KDM4C: variants seen among roughly 807,000 people sequenced by gnomAD.
KDM4C encodes the protein lysine demethylase 4C.
A neutral mutation model predicts 129.3 loss-of-function variants in KDM4C; 81 were observed. The observed-to-expected ratio is 0.63, with a 90% CI of 0.52 to 0.75. The LOEUF (loss-of-function observed/expected upper bound fraction) is 0.75. KDM4C is among the 30% of genes least tolerant of loss of function. KDM4C has a pLI of 0.00. For synonymous variants in KDM4C, 573 were observed against 456.1 expected (o/e 1.26, Z -3.26); for missense variants, 1,457 against 1,304.0 (o/e 1.12, Z -1.81).
At position 7,057,684 on chromosome 9, in the gene KDM4C, C is replaced by G. The variant is rs78391497; in HGVS notation, c.2424+8484C>G. On this transcript the variant is annotated intron_variant, in intron 17 of 21. Coordinates refer to ENST00000381309, the MANE Select transcript of KDM4C (RefSeq NM_015061.6). ...AGAACATAACTGTATTTTAAACAGCCTCTGGGCAATTTGTAAGCAACAGGA... is the reference window on the plus strand; with the variant it reads ...AGAACATAACTGTATTTTAAACAGCGTCTGGGCAATTTGTAAGCAACAGGA... 4.5e-3 allele frequency among the ~76,000 whole-genome samples: 690 copies of G among 152,290 alleles called. 5 individuals are homozygous for G. Among genetic ancestry groups the G allele is most frequent in the African/African-American group, 0.016 (663 of 41,556 alleles).
At chr9:6,842,359 T>TAGGCTGGA (rs989069986) in intron 4 of KDM4C, among the ~76,000 whole-genome samples, 4 of 136,542 alleles carry the variant, frequency 2.9e-5, no homozygotes, top group Non-Finnish European at 6.2e-5. Context: ...CTCTGTCACC[T>TAGGCTGGA]AGGCTGGAAT....
chr9:7,119,821 C>T (rs1839302258), intron 18 of KDM4C, among the ~76,000 whole-genome samples: 3 of 152,258 alleles, frequency 2.0e-5, no homozygotes, highest in African/African-American at 7.2e-5. Flanking sequence ...CAGCCTCCCT[C>T]CTGGTTCAGA....
chr9:6,948,164 G>A (rs1827316390), intron 8 of KDM4C: 1 of 152,086 alleles, frequency 6.6e-6, no homozygotes, highest in Non-Finnish European at 1.5e-5. Flanking sequence ...ATCAGTCTTT[G>A]AAATTTATAA....
intron 15 of KDM4C, among the ~76,000 whole-genome samples, chr9:7,019,267 T>G (rs1316552069): frequency 6.6e-6 from 1 of 152,206 alleles, no homozygotes; most frequent in East Asian, 1.9e-4. Context: ...AAAGTATCCT[T>G]AAAACTGACT....
intron 4 of KDM4C, among the ~76,000 whole-genome samples, chr9:6,833,203 T>C (rs1281357515): frequency 6.6e-6 from 1 of 152,202 alleles, no homozygotes; most frequent in East Asian, 1.9e-4. Context: ...AAGAGCCATC[T>C]GTAGATATGT....
chr9:7,049,942 A>C (rs1318996957), intron 17 of KDM4C, among the ~76,000 whole-genome samples: 2 of 152,146 alleles, frequency 1.3e-5, no homozygotes, highest in African/African-American at 4.8e-5. Flanking sequence ...AGGTGGACTT[A>C]AAACTCTAGA....
intron 17 of KDM4C, chr9:7,076,865 T>C (rs2132888490): frequency 1.0e-6 from 1 of 998,892 alleles, no homozygotes; most frequent in Non-Finnish European, 1.2e-6. Flanking sequence ...GTGCATCAGG[T>C]TAATGATTTG....
At chr9:7,005,196 G>A (rs1563968625) in intron 12 of KDM4C, among the ~76,000 whole-genome samples, 1 of 152,148 alleles carries the variant, frequency 6.6e-6, no homozygotes, top group African/African-American at 2.4e-5. Context: ...AGCACTTTGG[G>A]AGGCTGAGGT....
rs909930857 is a variant in KDM4C at position 6,785,415 on chromosome 9, C to G, written c.-17-7557C>G. Among the ~76,000 whole-genome samples the G allele has an allele frequency of 3.3e-5, 5 of 151,988 alleles. No homozygotes were observed. The East Asian group carries it at 9.7e-4, about 29-fold the overall frequency. On this transcript the variant is annotated intron_variant, in intron 1 of 21. Coordinates refer to ENST00000381309, the MANE Select transcript of KDM4C (RefSeq NM_015061.6). ...GCAGTGGTGCGATCTTGGCTCACTGCAAACTCTGCCTCCCGGGTTCAAGCG... is the reference window on the plus strand; with the variant it reads ...GCAGTGGTGCGATCTTGGCTCACTGGAAACTCTGCCTCCCGGGTTCAAGCG...
chr9:7,017,245 A>G (rs1823865271), intron 15 of KDM4C, among the ~76,000 whole-genome samples: 1 of 152,114 alleles, frequency 6.6e-6, no homozygotes. Context: ...CATCATATCT[A>G]ACTTTTCAAC....
At chr9:6,780,487 C>G (rs1824092485) in intron 1 of KDM4C, among the ~76,000 whole-genome samples, 1 of 151,812 alleles carries the variant, frequency 6.6e-6, no homozygotes, top group Non-Finnish European at 1.5e-5. Flanking sequence ...GAGAAATTGG[C>G]CAGGTGCTGT....
At chr9:6,737,948 C>A (rs780853689) in intron 1 of KDM4C, among the ~76,000 whole-genome samples, 1 of 150,644 alleles carries the variant, frequency 6.6e-6, no homozygotes. Context: ...GCCTGGCTAA[C>A]GTGGCAAAAC....
chr9:7,105,398 T>C (rs1373810616), intron 18 of KDM4C: 2 of 468,354 alleles, frequency 4.3e-6, no homozygotes, highest in Non-Finnish European at 8.9e-6. Context: ...CATGTTGTTT[T>C]CAGTTCACAG....
chr9:6,813,454 A>G (rs908189402), intron 3 of KDM4C, among the ~76,000 whole-genome samples: 3 of 152,170 alleles, frequency 2.0e-5, no homozygotes, highest in Non-Finnish European at 4.4e-5. Context: ...CAGTTGTTCC[A>G]TTATTTGGTA....
intron 4 of KDM4C, among the ~76,000 whole-genome samples, chr9:6,827,189 A>G (rs892214009): frequency 2.0e-5 from 3 of 152,216 alleles, no homozygotes; most frequent in Non-Finnish European, 2.9e-5. Flanking sequence ...TTTATAATCA[A>G]TGTCTGCCAT....
chr9:6,907,993 T>C (rs1818626930), intron 8 of KDM4C, among the ~76,000 whole-genome samples: 1 of 152,176 alleles, frequency 6.6e-6, no homozygotes, highest in South Asian at 2.1e-4. Context: ...CTTCATACAT[T>C]TTTTTTCCTG....
rs552909448 is a variant in KDM4C, at chr9:7,005,800, C to T, written c.1787-5898C>T. Among the ~76,000 whole-genome samples, 101 of 152,244 alleles carry T rather than the reference C, an allele frequency of 6.6e-4. 2 individuals are homozygous for T. Among genetic ancestry groups the T allele is most frequent in the Admixed American group, 6.6e-3 (101 of 15,284 alleles). On this transcript the variant is annotated intron_variant, in intron 12 of 21. Transcript: ENST00000381309. ...CCTGACATTTAACTAATCTTGTACT[C>T]ATTTTACAGATTGAGAAATAGGTTT...
At chr9:6,754,270 T>A (rs1045395183), upstream of KDM4C, among the ~76,000 whole-genome samples, 9 of 151,998 alleles carry the variant, frequency 5.9e-5, no homozygotes, top group African/African-American at 1.9e-4. Context: ...TAGAGTGCAG[T>A]GGTGCTATCT....
At chr9:6,729,351 G>A (rs1175533529) in intron 1 of KDM4C, among the ~76,000 whole-genome samples, 1 of 131,636 alleles carries the variant, frequency 7.6e-6, no homozygotes, top group Non-Finnish European at 1.5e-5. Flanking sequence ...GACCAGCCTG[G>A]GCAAATGGTG....
Sources: allele counts gnomAD v4.1 joint callset (sites outside exome capture counted in the v4.1 genomes callset), GRCh38; gene constraint gnomAD v4.1.1; transcripts MANE v1.5; gene names NCBI Gene and HGNC (gene_info 2026-07-23, HGNC 2026-07-21).